The following KIF27 variants were observed in gnomAD, a reference collection of about 807,000 sequenced individuals.
KIF27 encodes kinesin family member 27.
Under a neutral mutation model 141.8 loss-of-function variants are expected in KIF27, and 84 were observed. That is an observed-to-expected ratio of 0.59 (90% confidence interval 0.50 to 0.71). KIF27 has a LOEUF of 0.71. Ranked by LOEUF, KIF27 falls within the 30% of genes least tolerant of loss-of-function variation. The probability of loss-of-function intolerance (pLI) is 0.00; values close to 1 mark genes in which losing one functional copy is unlikely to be tolerated. For synonymous variants in KIF27, 471 were observed against 569.5 expected (o/e 0.83, Z 2.46); for missense variants, 1,306 against 1,628.4 (o/e 0.80, Z 3.41).
At chr9:83,904,073 G>A (rs1158546033) in intron 3 of KIF27, 55 bp from the exon 4 acceptor site, 1 of 1,376,636 alleles carries the variant, frequency 7.3e-7, no homozygotes, top group East Asian at 2.3e-5. Context: ...ACCTAGTATA[G>A]TTAACAGTTA....
At chr9:83,868,472 A>C (rs1950538219) in intron 12 of KIF27, 1 of 152,226 alleles carries the variant, frequency 6.6e-6, no homozygotes, top group African/African-American at 2.4e-5. Flanking sequence ...ACCTCAAATA[A>C]TTATTTTTAA....
rs1267501956 is a variant in KIF27, at chr9:83,850,103, G to C, written c.3552C>G (p.Phe1184Leu). Residue 1184 changes from phenylalanine (F) to leucine (L), a missense_variant, in exon 16 of 18, where the codon TTC (phenylalanine) becomes TTG (leucine). Phe to Leu is a conservative substitution (Grantham distance 22). This residue lies in a region of KIF27 where 596 missense variants were observed against 751.6 expected (regional missense o/e 0.79). Coordinates refer to ENST00000297814, the MANE Select transcript of KIF27 (RefSeq NM_017576.4). ...ACTGTCAAAAGGGGAAGTTACCTTTGAAATGATGTAATAGCAACTGCATCT... is the reference window on the plus strand; with the variant it reads ...ACTGTCAAAAGGGGAAGTTACCTTTCAAATGATGTAATAGCAACTGCATCT... ...EQKMQLLLHHFKEQDGEGIME... is the reference protein window; with the variant it reads ...EQKMQLLLHHLKEQDGEGIME... The C allele has an allele frequency of 5.6e-6, 9 of 1,613,454 alleles. No individual in the cohort carries two copies. The highest frequency in any genetic ancestry group is 7.6e-6 in the Non-Finnish European group (9 of 1,179,406).
At chr9:83,920,602 T>C (rs917626930) in intron 1 of KIF27, among the ~76,000 whole-genome samples, 7 of 151,994 alleles carry the variant, frequency 4.6e-5, no homozygotes, top group African/African-American at 1.7e-4. Flanking sequence ...AACTTGCCAG[T>C]AGATGGACAG....
At chr9:83,871,754 C>A (rs1950814445) in intron 11 of KIF27, among the ~76,000 whole-genome samples, 1 of 151,230 alleles carries the variant, frequency 6.6e-6, no homozygotes, top group Admixed American at 6.6e-5. Context: ...ATGGCATAAT[C>A]TTGGCCCACT....
At chr9:83,908,091 G>A (rs1210159006) in intron 3 of KIF27, among the ~76,000 whole-genome samples, 5 of 151,980 alleles carry the variant, frequency 3.3e-5, no homozygotes, top group African/African-American at 7.2e-5. Flanking sequence ...GTGAAATCCC[G>A]TCTCTACTAA....
At chr9:83,844,356 A>C (rs1946976063) in intron 16 of KIF27, among the ~76,000 whole-genome samples, 1 of 151,560 alleles carries the variant, frequency 6.6e-6, no homozygotes, top group Non-Finnish European at 1.5e-5. Flanking sequence ...AGATATCTAT[A>C]TCTATATCTA....
intron 6 of KIF27, 93 bp from the exon 7 acceptor site, chr9:83,889,346 T>C: frequency 2.7e-6 from 3 of 1,127,670 alleles, no homozygotes; most frequent in Non-Finnish European, 3.7e-6. Flanking sequence ...AAAGGGGTTA[T>C]TAGATTGGCA....
intron 1 of KIF27, among the ~76,000 whole-genome samples, chr9:83,918,643 A>G (rs1463734719): frequency 6.6e-6 from 1 of 152,168 alleles, no homozygotes; most frequent in African/African-American, 2.4e-5. Flanking sequence ...AATGCAATCA[A>G]AATCACAATG....
intron 16 of KIF27, among the ~76,000 whole-genome samples, chr9:83,849,178 A>G (rs1948234988): frequency 6.6e-6 from 1 of 152,178 alleles, no homozygotes; most frequent in Non-Finnish European, 1.5e-5. Context: ...ACTCACTTTA[A>G]AAAATATTAA....
intron 2 of KIF27, among the ~76,000 whole-genome samples, chr9:83,909,337 G>GC (rs1007916425): frequency 2.1e-4 from 32 of 152,148 alleles, no homozygotes; most frequent in African/African-American, 7.5e-4. Flanking sequence ...GAGGCCAAGC[G>GC]CAGTGGCTCA....
intron 16 of KIF27, among the ~76,000 whole-genome samples, chr9:83,845,857 CCTCT>C (rs1278644427): frequency 1.3e-4 from 20 of 152,204 alleles, no homozygotes; most frequent in Admixed American, 1.3e-3. Flanking sequence ...TGTGGATGGA[CCTCT>C]CTGAGTAGTC....
At chr9:83,914,612 TACTA>T (rs1324437877) in intron 2 of KIF27, among the ~76,000 whole-genome samples, 5 of 152,286 alleles carry the variant, frequency 3.3e-5, no homozygotes, top group Admixed American at 2.6e-4. Context: ...ATACAGAGAA[TACTA>T]ACTAAAACTT....
intron 16 of KIF27, among the ~76,000 whole-genome samples, chr9:83,848,361 A>ATGTAT (rs1344637068): frequency 3.1e-4 from 40 of 130,200 alleles, no homozygotes; most frequent in African/African-American, 5.0e-4. Flanking sequence ...ATATATATCT[A>ATGTAT]CATATATCTA....
chr9:83,839,022 C>T (rs531511389), intron 17 of KIF27, among the ~76,000 whole-genome samples: 6 of 152,162 alleles, frequency 3.9e-5, no homozygotes, highest in South Asian at 2.1e-4. Flanking sequence ...TAGCTGGGTG[C>T]GGTGGTTTAT....
At chr9:83,847,886 C>G (rs1947502336) in intron 16 of KIF27, 1 of 153,032 alleles carries the variant, frequency 6.5e-6, no homozygotes, top group Non-Finnish European at 1.4e-5. Context: ...TGCAGACAGC[C>G]TATTGTGGGA....
chr9:83,835,508 T>C lies in KIF27; in HGVS notation c.*1493A>G, dbSNP rs1415275129. On this transcript the variant is annotated 3_prime_UTR_variant, in exon 18 of 18. Transcript: ENST00000297814. ...TTTAGTACCATGCTTAAGAGATATT[T>C]TCCTTTTTATAAGTTTGTTTTGTTT... 1 of 152,178 alleles carries C rather than the reference T, an allele frequency of 6.6e-6. No homozygotes were observed. Among genetic ancestry groups the C allele is most frequent in the Non-Finnish European group, 1.5e-5 (1 of 68,026 alleles). 9.4% of individuals were successfully genotyped at this position (152,178 alleles called of 1,614,324 possible). A position where few individuals can be genotyped will look rare whatever the true frequency, so the allele number is the denominator to read the frequency against.
At chr9:83,897,026 A>G (rs2132469917) in intron 5 of KIF27, among the ~76,000 whole-genome samples, 1 of 152,308 alleles carries the variant, frequency 6.6e-6, no homozygotes, top group South Asian at 2.1e-4. Context: ...CAATTCTGTA[A>G]ATACATAAAA....
intron 11 of KIF27, among the ~76,000 whole-genome samples, chr9:83,876,440 C>A (rs1365365898): frequency 1.3e-5 from 2 of 152,182 alleles, no homozygotes; most frequent in African/African-American, 2.4e-5. Flanking sequence ...GGAAAGACTT[C>A]CCATGCTCGT....
rs1946756813 is a variant in KIF27 at position 83,842,865 on chromosome 9, T to A, written c.3557-464A>T. 2.0e-5 allele frequency among the ~76,000 whole-genome samples: 3 copies of A among 152,166 alleles called. No individual in the cohort carries two copies. The South Asian group carries it at 6.2e-4, about 32-fold the overall frequency. On this transcript the variant is annotated intron_variant, in intron 16 of 17. Transcript: ENST00000297814. ...GAATGGGTTTGTTTTCAGCTACCATTTGGATTTTTCTGCCTGTAAAATTTC... is the reference window on the plus strand; with the variant it reads ...GAATGGGTTTGTTTTCAGCTACCATATGGATTTTTCTGCCTGTAAAATTTC...
Sources: gnomAD v4.1 joint callset for allele counts (sites outside exome capture counted in the v4.1 genomes callset) on GRCh38, gnomAD v4.1.1 for gene constraint, gnomAD v4.1.1 regional missense constraint, MANE v1.5 for transcripts, NCBI Gene and HGNC (gene_info 2026-07-23, HGNC 2026-07-21) for gene names.